The following STAU1 variants were observed in gnomAD, a reference collection of about 807,000 sequenced individuals.
The protein encoded by STAU1 is staufen double-stranded RNA binding protein 1, also known as double-stranded RNA-binding protein Staufen homolog 1.
STAU1 carries 13 observed loss-of-function variants against 62.9 expected under a neutral mutation model. The observed-to-expected ratio is 0.21, with a 90% CI of 0.13 to 0.33. STAU1 has a LOEUF of 0.33. STAU1 is among the 10% of genes least tolerant of loss of function. The pLI, the probability that STAU1 is intolerant of heterozygous loss-of-function variation, is 1.00. For synonymous variants in STAU1, 269 were observed against 265.1 expected, an observed-to-expected ratio of 1.01 and a Z score of -0.14; for missense variants, 571 against 712.1, an observed-to-expected ratio of 0.80 and a Z score of 2.25.
chr20:49,134,449 A>AAAAAAAAAAAAAAAAAAAAAAAAAAAG, intron 6 of STAU1: 1 of 609,626 alleles, frequency 1.6e-6, no homozygotes. Context: ...AAAAAAAAAA[A>AAAAAAAAAAAAAAAAAAAAAAAAAAAG]GCTCTGGGTT....
In STAU1 at chr20:49,166,087, T is replaced by C. The variant is rs769641260; in HGVS notation, c.115A>G (p.Thr39Ala). The C allele has an allele frequency of 6.2e-6, 10 of 1,614,198 alleles. No individual in the cohort carries two copies. The East Asian group carries it at 1.1e-4, about 18-fold the overall frequency. ...SQPLMSIPST[T>A]SSLPSENAGR... is the part of the protein sequence containing the mutation. ...GCATTTTCAGAGGGCAGAGAGCTAG[T>C]AGTAGAAGGAATACTCATCAAAGGC... The change falls in exon 3 of 14, where the codon ACT becomes GCT. Residue 39 changes from threonine (T) to alanine (A), a missense_variant. Thr to Ala is a moderately conservative substitution (Grantham distance 58). This residue lies in a region of STAU1 where 414 missense variants were observed against 499.6 expected (regional missense o/e 0.83). Coordinates refer to ENST00000371856, the MANE Select transcript of STAU1 (RefSeq NM_017453.4).
the STAU1 span, among the ~76,000 whole-genome samples, chr20:49,200,493 C>A: frequency 6.6e-6 from 1 of 151,830 alleles, no homozygotes; most frequent in Non-Finnish European, 1.5e-5. Context: ...CACAGCTACT[C>A]GGGAGGCTGA....
intron 5 of STAU1, among the ~76,000 whole-genome samples, chr20:49,150,401 C>A (rs909194437): frequency 2.0e-5 from 3 of 151,558 alleles, no homozygotes; most frequent in Non-Finnish European, 2.9e-5. Context: ...TCGCTCTGTC[C>A]CTGAGGCTGG....
intron 9 of STAU1, among the ~76,000 whole-genome samples, 163 bp downstream of exon 9, chr20:49,119,819 C>A (rs531872350): frequency 6.6e-6 from 1 of 152,302 alleles, no homozygotes; most frequent in African/African-American, 2.4e-5. Flanking sequence ...TGCGAGGCCC[C>A]TCTGAGCACA....
chr20:49,193,029 A>G (rs2093833160), upstream of STAU1, among the ~76,000 whole-genome samples: 1 of 152,212 alleles, frequency 6.6e-6, no homozygotes, highest in African/African-American at 2.4e-5. Context: ...AATCAATGGA[A>G]GAGATATTTC....
chr20:49,127,343 A>T lies in STAU1; in HGVS notation c.610-2756T>A, dbSNP rs775777908. On this transcript the variant is annotated intron_variant, in intron 6 of 13. Transcript: ENST00000371856. The stretch of plus-strand genomic sequence containing the variant: ...CACTCCAGCCTGGACAACAAGAGCG[A>T]AACACCATCTCAAAAATAAATAAAT... 3.7e-4 allele frequency among the ~76,000 whole-genome samples: 56 copies of T among 151,988 alleles called. 1 individual carries two copies. The highest frequency in any genetic ancestry group is 2.0e-4 in the Admixed American group (3 of 15,262).
the STAU1 span, chr20:49,210,486 T>C: frequency 2.0e-5 from 9 of 455,846 alleles, no homozygotes; most frequent in African/African-American, 1.6e-4. Context: ...TTTTCCTCCT[T>C]CTCCTCCTTG....
intron 12 of STAU1, among the ~76,000 whole-genome samples, 157 bp downstream of exon 12, chr20:49,116,969 A>C (rs2092342717): frequency 6.6e-6 from 1 of 152,184 alleles, no homozygotes; most frequent in Non-Finnish European, 1.5e-5. Context: ...TATGACAAAA[A>C]GTCTTCAAAA....
chr20:49,194,786 C>A, the STAU1 span, among the ~76,000 whole-genome samples: 1 of 151,916 alleles, frequency 6.6e-6, no homozygotes, highest in Non-Finnish European at 1.5e-5. Flanking sequence ...ACTCTGTTGG[C>A]CAGGCTGGTC....
At chr20:49,205,298 A>G in the STAU1 span, among the ~76,000 whole-genome samples, 1 of 151,802 alleles carries the variant, frequency 6.6e-6, no homozygotes, top group African/African-American at 2.4e-5. Context: ...CTCATTACGC[A>G]CACAAGTGCT....
chr20:49,179,889 T>G (rs998395846), intron 1 of STAU1, among the ~76,000 whole-genome samples: 1 of 152,248 alleles, frequency 6.6e-6, no homozygotes, highest in Non-Finnish European at 1.5e-5. Flanking sequence ...AGACATGCTA[T>G]GTCATTACAG....
At chr20:49,134,400 C>T (rs999531661) in intron 6 of STAU1, 3 of 494,124 alleles carry the variant, frequency 6.1e-6, no homozygotes, top group Non-Finnish European at 1.1e-5. Context: ...CATTGCACTA[C>T]AGCCTGGGCG....
chr20:49,206,967 G>A, the STAU1 span, among the ~76,000 whole-genome samples: 1 of 151,356 alleles, frequency 6.6e-6, no homozygotes, highest in Non-Finnish European at 1.5e-5. Flanking sequence ...TGTTGGCCAG[G>A]ATAGTCTTGA....
chr20:49,154,540 A>C (rs538442399), intron 3 of STAU1, among the ~76,000 whole-genome samples: 1 of 152,160 alleles, frequency 6.6e-6, no homozygotes, highest in Non-Finnish European at 1.5e-5. Context: ...TACATTACTA[A>C]CTGGATGCAA....
chr20:49,209,282 C>T, the STAU1 span, among the ~76,000 whole-genome samples: 1 of 151,600 alleles, frequency 6.6e-6, no homozygotes, highest in Non-Finnish European at 1.5e-5. Flanking sequence ...TGGGACTTAC[C>T]CTAGATTTCA....
At chr20:49,120,852 T>C (rs2092449532) in intron 8 of STAU1, among the ~76,000 whole-genome samples, 1 of 152,138 alleles carries the variant, frequency 6.6e-6, no homozygotes, top group Admixed American at 6.5e-5. Flanking sequence ...TGGAGTGCAA[T>C]GGCATGATCT....
At chr20:49,124,343 A>G (rs781733262) in intron 7 of STAU1, 32 bp downstream of exon 7, 9 of 1,607,454 alleles carry the variant, frequency 5.6e-6, no homozygotes, top group Non-Finnish European at 7.7e-6. Flanking sequence ...ATAAGTAATG[A>G]AAACACCTTC....
At chr20:49,135,997 A>G in intron 5 of STAU1, 66 bp from the exon 6 acceptor site, 1 of 1,256,612 alleles carries the variant, frequency 8.0e-7, no homozygotes, top group Admixed American at 2.0e-5. Flanking sequence ...GAGTTGGTTC[A>G]TGCTTGTAAT....
At chr20:49,142,243 T>C (rs1423074154) in intron 5 of STAU1, among the ~76,000 whole-genome samples, 2 of 152,036 alleles carry the variant, frequency 1.3e-5, no homozygotes, top group African/African-American at 4.8e-5. Context: ...CAAGCCACCA[T>C]GCCTGGCTAA....
Sources: gnomAD v4.1 joint callset for allele counts (sites outside exome capture counted in the v4.1 genomes callset) on GRCh38, gnomAD v4.1.1 for gene constraint, gnomAD v4.1.1 regional missense constraint, MANE v1.5 for transcripts, NCBI Gene and HGNC (gene_info 2026-07-23, HGNC 2026-07-21) for gene names.